CDH13: variants seen among roughly 807,000 people sequenced by gnomAD.
CDH13 encodes cadherin 13.
Under a neutral mutation model 63.8 loss-of-function variants are expected in CDH13, and 24 were observed. The ratio of observed to expected loss-of-function variants is 0.38; its 90% CI spans 0.27 to 0.53. CDH13 has a LOEUF of 0.53. Ranked by LOEUF, CDH13 falls within the 20% of genes least tolerant of loss-of-function variation. The probability of loss-of-function intolerance (pLI) is 0.85; values close to 1 mark genes in which losing one functional copy is unlikely to be tolerated. For missense variants in CDH13, 1,049 were observed against 903.1 expected (o/e 1.16, Z -2.07); for synonymous variants, 503 against 355.3 (o/e 1.42, Z -4.67).
chr16:82,945,935 T>G (rs1178935230), intron 2 of CDH13, among the ~76,000 whole-genome samples: 1 of 152,188 alleles, frequency 6.6e-6, no homozygotes, highest in Non-Finnish European at 1.5e-5. Flanking sequence ...TCATTTCCTC[T>G]GTGAATTCTT....
intron 6 of CDH13, among the ~76,000 whole-genome samples, chr16:83,474,372 C>T (rs1397418871): frequency 6.6e-6 from 1 of 152,170 alleles, no homozygotes; most frequent in African/African-American, 2.4e-5. Context: ...GTGCCAGAGT[C>T]TCCATCTGTT....
At chr16:82,845,774 T>C (rs527821739) in intron 1 of CDH13, among the ~76,000 whole-genome samples, 3 of 152,190 alleles carry the variant, frequency 2.0e-5, no homozygotes, top group African/African-American at 7.2e-5. Flanking sequence ...TTACAAAAAA[T>C]TCATAAATAG....
At chr16:82,930,122 A>G (rs959178267) in intron 2 of CDH13, among the ~76,000 whole-genome samples, 1 of 139,712 alleles carries the variant, frequency 7.2e-6, no homozygotes, top group Non-Finnish European at 1.5e-5. Flanking sequence ...TCAGCTCACT[A>G]CAACCTCTGC....
intron 4 of CDH13, among the ~76,000 whole-genome samples, chr16:83,142,005 G>A (rs951086747): frequency 4.4e-4 from 67 of 152,194 alleles, no homozygotes; most frequent in African/African-American, 1.6e-3. Context: ...AAAAGCCCCA[G>A]AAAGTGGGGA....
intron 3 of CDH13, among the ~76,000 whole-genome samples, chr16:83,098,264 TA>T (rs2034302247): frequency 6.6e-6 from 1 of 152,216 alleles, no homozygotes; most frequent in Non-Finnish European, 1.5e-5. Flanking sequence ...ATAAGAACCT[TA>T]CAGTAAAACA....
At chr16:83,338,695 G>A (rs1411938878) in intron 5 of CDH13, among the ~76,000 whole-genome samples, 1 of 152,208 alleles carries the variant, frequency 6.6e-6, no homozygotes, top group Non-Finnish European at 1.5e-5. Context: ...AATAGCGGCA[G>A]CAAGGAAGCG....
At chr16:83,417,658 GAA>G (rs2071589783) in intron 6 of CDH13, among the ~76,000 whole-genome samples, 2 of 152,276 alleles carry the variant, frequency 1.3e-5, no homozygotes, top group South Asian at 4.1e-4. Context: ...AGCAGCTAGA[GAA>G]ACTCCAAAGC....
intron 5 of CDH13, among the ~76,000 whole-genome samples, chr16:83,334,016 C>CTCCTGGAA (rs1375929035): frequency 2.0e-5 from 3 of 152,142 alleles, no homozygotes; most frequent in African/African-American, 7.2e-5. Context: ...GCTACCTTCA[C>CTCCTGGAA]TCCTGGAAGC....
At chr16:83,260,303 C>A (rs1001252761) in intron 5 of CDH13, among the ~76,000 whole-genome samples, 1 of 152,134 alleles carries the variant, frequency 6.6e-6, no homozygotes, top group Non-Finnish European at 1.5e-5. Context: ...AATGCTGATG[C>A]AAGATGTTAG....
intron 13 of CDH13, among the ~76,000 whole-genome samples, chr16:83,787,996 G>T (rs1216455890): frequency 6.6e-6 from 1 of 152,182 alleles, no homozygotes; most frequent in Admixed American, 6.5e-5. Context: ...TGGATAAATC[G>T]GAGAGCAGTA....
intron 6 of CDH13, among the ~76,000 whole-genome samples, chr16:83,403,594 C>G (rs144877983): frequency 0.017 from 2,581 of 152,122 alleles, 81 homozygotes; most frequent in African/African-American, 0.059. Flanking sequence ...TTGCAGTCCA[C>G]TCTGGGCGAC....
At chr16:83,512,667 C>CAATAATAATAATAATAATAT (rs1555564616) in intron 7 of CDH13, among the ~76,000 whole-genome samples, 1,940 of 148,800 alleles carry the variant, frequency 0.013, 45 homozygotes, top group African/African-American at 0.044. Context: ...GACTCCGTCT[C>CAATAATAATAATAATAATAT]AATAATAATA....
chr16:82,899,217 T>A (rs745767647), intron 2 of CDH13, among the ~76,000 whole-genome samples: 154 of 152,148 alleles, frequency 1.0e-3, no homozygotes, highest in Non-Finnish European at 1.9e-3. Flanking sequence ...GTCAGGTGGG[T>A]ATTTCGGAGT....
intron 2 of CDH13, among the ~76,000 whole-genome samples, chr16:82,959,905 T>C (rs1906709970): frequency 6.6e-6 from 1 of 152,182 alleles, no homozygotes; most frequent in African/African-American, 2.4e-5. Context: ...AGGTTTTCAT[T>C]CTCTGAGATG....
At chr16:83,732,603 A>G (rs1911146986) in intron 10 of CDH13, among the ~76,000 whole-genome samples, 1 of 152,232 alleles carries the variant, frequency 6.6e-6, no homozygotes, top group South Asian at 2.1e-4. Context: ...TACATCCAGA[A>G]AGATGATAGC....
chr16:82,688,590 G>T (rs1037707559), intron 1 of CDH13, among the ~76,000 whole-genome samples: 1 of 152,172 alleles, frequency 6.6e-6, no homozygotes, highest in Non-Finnish European at 1.5e-5. Flanking sequence ...CAGTGTAATA[G>T]TGAAAACATC....
intron 6 of CDH13, among the ~76,000 whole-genome samples, chr16:83,414,973 G>C (rs2092179242): frequency 6.6e-6 from 1 of 151,996 alleles, no homozygotes; most frequent in Admixed American, 6.6e-5. Flanking sequence ...TCATATGGTA[G>C]AAAAGTTGGT....
intron 4 of CDH13, among the ~76,000 whole-genome samples, chr16:83,143,828 C>A (rs1015016524): frequency 6.6e-6 from 1 of 152,020 alleles, no homozygotes; most frequent in African/African-American, 2.4e-5. Context: ...CGTTCCTCTG[C>A]CTGACTCTAT....
intron 5 of CDH13, among the ~76,000 whole-genome samples, chr16:83,255,211 C>T (rs1474032209): frequency 6.6e-6 from 1 of 152,056 alleles, no homozygotes; most frequent in East Asian, 1.9e-4. Context: ...CAAGTATGGG[C>T]ACATTATAAC....
Sources: gnomAD v4.1 joint callset for allele counts (sites outside exome capture counted in the v4.1 genomes callset) on GRCh38, gnomAD v4.1.1 for gene constraint, MANE v1.5 for transcripts, NCBI Gene and HGNC (gene_info 2026-07-23, HGNC 2026-07-21) for gene names.